MLLT3: variants seen among roughly 807,000 people sequenced by gnomAD.
MLLT3 encodes the protein protein AF-9.
MLLT3 carries 4 observed loss-of-function variants against 53.2 expected under a neutral mutation model. That is an observed-to-expected ratio of 0.08 (90% CI 0.04 to 0.17). MLLT3 has a LOEUF of 0.17. Ranked by LOEUF, MLLT3 falls within the 10% of genes least tolerant of loss-of-function variation. The pLI is 1.00. For synonymous variants in MLLT3, 283 were observed against 230.6 expected (o/e 1.23, Z -2.06); for missense variants, 569 against 684.0 (o/e 0.83, Z 1.87).
At chr9:20,422,435 A>G (rs2118795819) in intron 4 of MLLT3, among the ~76,000 whole-genome samples, 1 of 152,318 alleles carries the variant, frequency 6.6e-6, no homozygotes, top group South Asian at 2.1e-4. Flanking sequence ...TTACATCCTT[A>G]AATTCCTCAA....
At chr9:20,604,861 A>G (rs1436718026) in intron 2 of MLLT3, among the ~76,000 whole-genome samples, 1 of 152,146 alleles carries the variant, frequency 6.6e-6, no homozygotes, top group Non-Finnish European at 1.5e-5. Context: ...ATTTTTAACA[A>G]TGTTAAACTT....
chr9:20,519,186 A>T lies in MLLT3; in HGVS notation c.194-62400T>A, dbSNP rs141413423. On this transcript the variant is annotated intron_variant, in intron 2 of 10. Coordinates refer to ENST00000380338, the MANE Select transcript of MLLT3 (RefSeq NM_004529.4). Reference sequence around the variant, plus strand: ...TTAGATCTTGAAACACAAAAAAAAGATATTAGTAGAAAAACTAGACAAATC... The same window carrying T: ...TTAGATCTTGAAACACAAAAAAAAGTTATTAGTAGAAAAACTAGACAAATC... 9.8e-3 allele frequency among the ~76,000 whole-genome samples: 1,494 copies of T among 152,340 alleles called. 13 individuals are homozygous for T. Among genetic ancestry groups the T allele is most frequent in the Non-Finnish European group, 0.012 (796 of 68,024 alleles).
intron 4 of MLLT3, among the ~76,000 whole-genome samples, chr9:20,439,601 G>T (rs954263445): frequency 6.6e-6 from 1 of 152,076 alleles, no homozygotes; most frequent in African/African-American, 2.4e-5. Flanking sequence ...AGGGGAGTGG[G>T]GGGATGGCGG....
At chr9:20,395,323 G>A (rs1384964747) in intron 5 of MLLT3, among the ~76,000 whole-genome samples, 2 of 152,090 alleles carry the variant, frequency 1.3e-5, no homozygotes, top group African/African-American at 4.8e-5. Flanking sequence ...TATCTACTTA[G>A]GATCTTACTT....
intron 5 of MLLT3, among the ~76,000 whole-genome samples, chr9:20,400,549 A>G (rs1478839956): frequency 6.6e-6 from 1 of 152,138 alleles, no homozygotes; most frequent in Non-Finnish European, 1.5e-5. Context: ...TAAAATATCT[A>G]TAAATGAAAT....
At chr9:20,467,935 G>C (rs1025679333) in intron 2 of MLLT3, among the ~76,000 whole-genome samples, 3 of 152,156 alleles carry the variant, frequency 2.0e-5, no homozygotes, top group African/African-American at 7.2e-5. Flanking sequence ...TTAGCAACAG[G>C]CAGCATTTTG....
chr9:20,483,435 G>A (rs982231492), intron 2 of MLLT3, among the ~76,000 whole-genome samples: 2 of 151,140 alleles, frequency 1.3e-5, no homozygotes, highest in African/African-American at 4.9e-5. Flanking sequence ...ATCTCACTAT[G>A]TTGCCCAGGC....
intron 2 of MLLT3, among the ~76,000 whole-genome samples, chr9:20,548,042 G>A (rs536985565): frequency 7.0e-4 from 107 of 152,276 alleles, no homozygotes; most frequent in Non-Finnish European, 1.2e-3. Context: ...TACTTGACTT[G>A]TATCTAGAGT....
In MLLT3 at chr9:20,447,060, T is replaced by C. The variant is rs147923279; in HGVS notation, c.420+1063A>G. 5.3e-5 allele frequency among the ~76,000 whole-genome samples: 8 copies of C among 152,040 alleles called. No individual in the cohort carries two copies. The East Asian group carries it at 1.5e-3, about 29-fold the overall frequency. On this transcript the variant is annotated intron_variant, in intron 4 of 10. Transcript: ENST00000380338. ...GCAAAACAGAACTCAAAAAATGGGG[T>C]CCACATCACCCAGAATAGTCACACA...
chr9:20,346,837 A>G (rs1160703789), intron 10 of MLLT3, among the ~76,000 whole-genome samples: 1 of 152,156 alleles, frequency 6.6e-6, no homozygotes, highest in Non-Finnish European at 1.5e-5. Context: ...AGTCATGAAC[A>G]GAATATTTAA....
chr9:20,426,400 T>A (rs1422516864), intron 4 of MLLT3, among the ~76,000 whole-genome samples: 1 of 152,140 alleles, frequency 6.6e-6, no homozygotes, highest in Non-Finnish European at 1.5e-5. Context: ...TAAATAATCG[T>A]TAAATAACAG....
chr9:20,427,207 A>G (rs1823159358), intron 4 of MLLT3, among the ~76,000 whole-genome samples: 1 of 152,136 alleles, frequency 6.6e-6, no homozygotes, highest in African/African-American at 2.4e-5. Flanking sequence ...TATATGAAGT[A>G]TAAAAAGGAA....
intron 2 of MLLT3, among the ~76,000 whole-genome samples, chr9:20,482,902 C>T (rs1442030087): frequency 4.6e-5 from 7 of 152,146 alleles, no homozygotes; most frequent in African/African-American, 1.7e-4. Flanking sequence ...ACCCGATAAC[C>T]TGTTAGGTGA....
intron 2 of MLLT3, among the ~76,000 whole-genome samples, chr9:20,570,466 C>A (rs888360995): frequency 3.3e-5 from 5 of 152,164 alleles, no homozygotes; most frequent in African/African-American, 1.2e-4. Context: ...GAAATTATTT[C>A]TCCTACATGT....
intron 5 of MLLT3, among the ~76,000 whole-genome samples, chr9:20,402,394 A>G (rs2118748036): frequency 6.6e-6 from 1 of 152,276 alleles, no homozygotes; most frequent in East Asian, 1.9e-4. Context: ...AGTTGCAGGG[A>G]GGTATGTTTG....
chr9:20,486,554 T>C (rs1183953485), intron 2 of MLLT3, among the ~76,000 whole-genome samples: 1 of 152,146 alleles, frequency 6.6e-6, no homozygotes, highest in African/African-American at 2.4e-5. Flanking sequence ...AAAAAGCAGC[T>C]AGTAATACAT....
In MLLT3 at chr9:20,365,759, A is replaced by G. The variant is rs1197977696; in HGVS notation, c.1126-15T>C. The G allele has an allele frequency of 1.2e-6, 2 of 1,613,748 alleles. No individual in the cohort carries two copies. Among genetic ancestry groups the G allele is most frequent in the African/African-American group, 1.3e-5 (1 of 74,908 alleles). ...GGTTGTTCAGACTTTAAAGAAGAAT[A>G]AAAAGGCACCATCAATAAATTTACG... On this transcript the variant is annotated splice_polypyrimidine_tract_variant and intron_variant, in intron 5 of 10. Coordinates refer to ENST00000380338, the MANE Select transcript of MLLT3 (RefSeq NM_004529.4).
At chr9:20,519,659 G>A (rs537871057) in intron 2 of MLLT3, among the ~76,000 whole-genome samples, 39 of 152,206 alleles carry the variant, frequency 2.6e-4, no homozygotes, top group East Asian at 9.6e-4. Context: ...ACCATCTCAC[G>A]TCAGTCAGAA....
At chr9:20,474,124 C>T (rs1236046752) in intron 2 of MLLT3, among the ~76,000 whole-genome samples, 1 of 152,080 alleles carries the variant, frequency 6.6e-6, no homozygotes, top group Non-Finnish European at 1.5e-5. Context: ...CTCTTGGCTC[C>T]TAAACTTATG....
Sources: allele counts gnomAD v4.1 joint callset (sites outside exome capture counted in the v4.1 genomes callset), GRCh38; gene constraint gnomAD v4.1.1; transcripts MANE v1.5; gene names NCBI Gene and HGNC (gene_info 2026-07-23, HGNC 2026-07-21).